Variants in NRXN1 observed in about 807,000 individuals in gnomAD.
NRXN1 encodes the protein neurexin 1.
In NRXN1, 39 loss-of-function variants were observed where a neutral mutation model predicts 150.9. The observed-to-expected ratio is 0.26, with a 90% confidence interval of 0.20 to 0.34. NRXN1 has a LOEUF of 0.34. Among genes scored for constraint, NRXN1 ranks in the 10% least tolerant of loss-of-function variants. The probability of loss-of-function intolerance (pLI) is 1.00; values close to 1 mark genes in which losing one functional copy is unlikely to be tolerated. For missense variants in NRXN1, 1,815 were observed against 1,949.9 expected, an observed-to-expected ratio of 0.93 and a Z score of 1.30; for synonymous variants, 924 against 757.0, an observed-to-expected ratio of 1.22 and a Z score of -3.62.
intron 17 of NRXN1, among the ~76,000 whole-genome samples, chr2:50,322,529 G>T (rs1398698827): frequency 6.6e-6 from 1 of 152,116 alleles, no homozygotes; most frequent in Non-Finnish European, 1.5e-5. Context: ...AACTGTTTTA[G>T]AATGATGCTA....
intron 17 of NRXN1, among the ~76,000 whole-genome samples, chr2:50,446,566 C>T (rs1159542604): frequency 1.6e-5 from 2 of 126,076 alleles, no homozygotes; most frequent in Non-Finnish European, 3.3e-5. Flanking sequence ...TTCTTTCCTT[C>T]CTTCCTTCTT....
chr2:50,505,303 C>T (rs909207021), intron 13 of NRXN1, among the ~76,000 whole-genome samples: 1 of 152,122 alleles, frequency 6.6e-6, no homozygotes, highest in Admixed American at 6.6e-5. Flanking sequence ...TTCACTTATC[C>T]TCTTCGAGTG....
chr2:50,157,139 T>C (rs1186351357), intron 18 of NRXN1, among the ~76,000 whole-genome samples: 1 of 151,954 alleles, frequency 6.6e-6, no homozygotes, highest in Admixed American at 6.6e-5. Flanking sequence ...ATGCCTTCTG[T>C]TTTGCAATAT....
chr2:50,152,147 A>T (rs1165471763), intron 18 of NRXN1, among the ~76,000 whole-genome samples: 1 of 151,608 alleles, frequency 6.6e-6, no homozygotes, highest in African/African-American at 2.4e-5. Context: ...CATGCATCTC[A>T]ATAACTCTTT....
chr2:50,005,898 C>T (rs1328514725), intron 21 of NRXN1, among the ~76,000 whole-genome samples: 4 of 152,090 alleles, frequency 2.6e-5, no homozygotes, highest in African/African-American at 9.7e-5. Context: ...ATTTTTGCCA[C>T]AGTTAGATCT....
intron 17 of NRXN1, among the ~76,000 whole-genome samples, chr2:50,373,679 A>AAGGAAAGAAAGAGAGAAAGAAAGAAAG (rs766534624): frequency 1.5e-5 from 1 of 65,636 alleles, no homozygotes; most frequent in Non-Finnish European, 3.0e-5. Flanking sequence ...AGAAAGAAAG[A>AAGGAAAGAAAGAGAGAAAGAAAGAAAG]AAAGAAAGAA....
chr2:50,113,159 TGGC>T (rs1306933150), intron 18 of NRXN1, among the ~76,000 whole-genome samples: 1 of 152,224 alleles, frequency 6.6e-6, no homozygotes, highest in Non-Finnish European at 1.5e-5. Flanking sequence ...CCCTATCATC[TGGC>T]ATAAACCTGG....
intron 17 of NRXN1, among the ~76,000 whole-genome samples, chr2:50,415,280 A>T (rs989507107): frequency 6.6e-6 from 1 of 152,186 alleles, no homozygotes; most frequent in South Asian, 2.1e-4. Context: ...AGATTAATGC[A>T]CTTTCCCTTT....
intron 5 of NRXN1, among the ~76,000 whole-genome samples, chr2:50,898,037 G>A (rs1339546210): frequency 1.3e-5 from 2 of 152,132 alleles, no homozygotes; most frequent in Non-Finnish European, 1.5e-5. Context: ...GTTTAGATAT[G>A]CCAGGTCACA....
intron 2 of NRXN1, among the ~76,000 whole-genome samples, chr2:50,987,087 C>A (rs1358622117): frequency 6.6e-6 from 1 of 151,760 alleles, no homozygotes; most frequent in Non-Finnish European, 1.5e-5. Context: ...ACAAATTAAA[C>A]AAGAGGAGAA....
intron 5 of NRXN1, among the ~76,000 whole-genome samples, chr2:50,813,488 T>C (rs752475081): frequency 1.9e-4 from 29 of 152,196 alleles, no homozygotes; most frequent in Non-Finnish European, 3.4e-4. Context: ...GTGCCTTTTA[T>C]AAGTAAAAAT....
At chr2:50,110,031 G>C (rs993007932) in intron 18 of NRXN1, among the ~76,000 whole-genome samples, 1 of 152,120 alleles carries the variant, frequency 6.6e-6, no homozygotes, top group African/African-American at 2.4e-5. Flanking sequence ...TACTATGTAA[G>C]AGGAAACTTT....
chr2:50,048,730 T>A (rs1407019911), intron 21 of NRXN1, among the ~76,000 whole-genome samples: 2 of 152,162 alleles, frequency 1.3e-5, no homozygotes, highest in Non-Finnish European at 2.9e-5. Context: ...AATGAATGTC[T>A]CTTACAATCT....
intron 5 of NRXN1, among the ~76,000 whole-genome samples, chr2:50,764,709 G>A (rs1334334485): frequency 1.3e-5 from 2 of 151,912 alleles, no homozygotes; most frequent in Non-Finnish European, 2.9e-5. Flanking sequence ...ATGACACATT[G>A]TCTCCAAAGG....
chr2:50,421,186 A>C (rs892586856), intron 17 of NRXN1, among the ~76,000 whole-genome samples: 1 of 151,960 alleles, frequency 6.6e-6, no homozygotes, highest in Non-Finnish European at 1.5e-5. Context: ...GATATGCTGC[A>C]TTTCTACAAA....
chr2:50,270,707 T>C (rs888926802), intron 17 of NRXN1, among the ~76,000 whole-genome samples: 1 of 151,676 alleles, frequency 6.6e-6, no homozygotes, highest in African/African-American at 2.4e-5. Flanking sequence ...GTCTCATTTG[T>C]TGCCCAGGCT....
At chr2:51,030,418 G>A (rs1671312713) in intron 1 of NRXN1, among the ~76,000 whole-genome samples, 1 of 151,958 alleles carries the variant, frequency 6.6e-6, no homozygotes, top group Non-Finnish European at 1.5e-5. Flanking sequence ...GGGGAGCTGA[G>A]AGCATTTCTC....
rs1558990891 is a variant in NRXN1, at chr2:50,595,066, G to C, written c.1320+24956C>G. On this transcript the variant is annotated intron_variant, in intron 8 of 22. Transcript: ENST00000401669. ...AGCGGAGATCTTATCTGCACATCCA[G>C]ATTGGGAAAGCTGGTATGTTGGGGT... is the stretch of plus-strand genomic sequence containing the variant. Among the ~76,000 whole-genome samples, 5 of 150,796 alleles carry C rather than the reference G, an allele frequency of 3.3e-5. No homozygotes were observed. The South Asian group carries it at 1.1e-3, about 32-fold the overall frequency.
intron 17 of NRXN1, among the ~76,000 whole-genome samples, chr2:50,293,391 T>C (rs1165591387): frequency 5.3e-5 from 8 of 152,190 alleles, no homozygotes; most frequent in Non-Finnish European, 7.4e-5. Flanking sequence ...ATGCATGATA[T>C]GGCAAGCCTT....
Sources: gnomAD v4.1 joint callset for allele counts (sites outside exome capture counted in the v4.1 genomes callset) on GRCh38, gnomAD v4.1.1 for gene constraint, MANE v1.5 for transcripts, NCBI Gene and HGNC (gene_info 2026-07-23, HGNC 2026-07-21) for gene names.